Variants in DAPK1 observed in about 807,000 individuals in gnomAD.
DAPK1 encodes the protein death associated protein kinase 1, also known as death-associated protein kinase 1.
DAPK1 carries 56 observed loss-of-function variants against 144.9 expected under a neutral mutation model. The ratio of observed to expected loss-of-function variants is 0.39; its 90% CI spans 0.31 to 0.48. The LOEUF (loss-of-function observed/expected upper bound fraction) is 0.48, where lower values mean the gene tolerates loss of function less well. Ranked by LOEUF, DAPK1 falls within the 20% of genes least tolerant of loss-of-function variation. DAPK1 has a pLI of 0.95. For synonymous variants in DAPK1, 690 were observed against 749.0 expected, an observed-to-expected ratio of 0.92 and a Z score of 1.29; for missense variants, 1,454 against 1,875.4, an observed-to-expected ratio of 0.78 and a Z score of 4.15.
intron 2 of DAPK1, among the ~76,000 whole-genome samples, chr9:87,604,160 C>T (rs925723376): frequency 2.0e-5 from 3 of 152,030 alleles, no homozygotes; most frequent in African/African-American, 7.3e-5. Flanking sequence ...AGACAGTTGG[C>T]AGCGGCTTTG....
intron 19 of DAPK1, among the ~76,000 whole-genome samples, chr9:87,677,396 A>C (rs1202365519): frequency 1.3e-5 from 2 of 152,148 alleles, no homozygotes; most frequent in African/African-American, 2.4e-5. Context: ...GAGTCTCCTG[A>C]GAGTGGAAGG....
At chr9:87,518,205 G>A (rs1396193085) in intron 2 of DAPK1, among the ~76,000 whole-genome samples, 2 of 148,178 alleles carry the variant, frequency 1.3e-5, no homozygotes, top group Non-Finnish European at 3.0e-5. Flanking sequence ...TCCACCTCCC[G>A]GGTTCAAGCG....
At chr9:87,684,793 A>G (rs1348153167) in intron 20 of DAPK1, among the ~76,000 whole-genome samples, 1 of 152,246 alleles carries the variant, frequency 6.6e-6, no homozygotes, top group Non-Finnish European at 1.5e-5. Context: ...GGCAGTAGCT[A>G]ACAAAAATGA....
At chr9:87,641,908 T>C (rs368752543) in intron 9 of DAPK1, 61 bp from the exon 10 acceptor site, 45 of 1,368,936 alleles carry the variant, frequency 3.3e-5, no homozygotes, top group African/African-American at 1.3e-4. Flanking sequence ...CAAAAAATTG[T>C]CATATAACAC....
chr9:87,656,412 T>C (rs1402198916), intron 17 of DAPK1, among the ~76,000 whole-genome samples: 1 of 152,188 alleles, frequency 6.6e-6, no homozygotes, highest in Admixed American at 6.5e-5. Context: ...CTTCCTCAGC[T>C]TTCTTCCCTT....
intron 21 of DAPK1, among the ~76,000 whole-genome samples, chr9:87,694,462 CTGGCAAAATGCT>C (rs1289669181): frequency 6.6e-6 from 1 of 152,206 alleles, no homozygotes; most frequent in Non-Finnish European, 1.5e-5. Context: ...TCCCCAGCCT[CTGGCAAAATGCT>C]TGAGTCAGGG....
rs1185487950 is a variant in DAPK1, at chr9:87,700,169, G to A, written c.2803G>A (p.Ala935Thr). 1 of 1,607,500 alleles carries A rather than the reference G, an allele frequency of 6.2e-7. No individual in the cohort carries two copies. Among genetic ancestry groups the A allele is most frequent in the African/African-American group, 1.3e-5 (1 of 74,790 alleles). Residue 935 changes from alanine to threonine, a missense_variant, in exon 24 of 26, where the codon GCT becomes ACT. By Grantham distance (58) the Ala-to-Thr change is moderately conservative (BLOSUM62 0). This residue lies in a region of DAPK1 where 1,025 missense variants were observed against 1,237.9 expected (regional missense o/e 0.83). Transcript: ENST00000408954. The part of the protein sequence containing the change: ...SNKLFVLDAG[A>T]SGSKDMKVLR... ...TAAGCTGTTTGTTCTGGATGCTGGG[G>A]CTTCTGGGTCAAAGGACATGAAGGT...
intron 3 of DAPK1, among the ~76,000 whole-genome samples, chr9:87,619,222 C>T (rs1210125743): frequency 6.6e-6 from 1 of 152,192 alleles, no homozygotes; most frequent in African/African-American, 2.4e-5. Context: ...TTGTGTTTTC[C>T]TCACTTTTTA....
rs1564060128 is a variant in DAPK1, at chr9:87,668,505, T to C, written c.1924-92T>C. 3 of 835,074 alleles carry C rather than the reference T, an allele frequency of 3.6e-6. No individual in the cohort carries two copies. In the East Asian group the frequency reaches 7.3e-5, roughly 20 times the overall value. 51.7% of individuals were successfully genotyped at this position (835,074 alleles called of 1,614,324 possible). A position where few individuals can be genotyped will look rare whatever the true frequency, so the allele number is the denominator to read the frequency against. On this transcript the variant is annotated intron_variant, in intron 18 of 25. Transcript: ENST00000408954. ...GGCTTGCTTCTCACACCTGCTATGC[T>C]TGTTTCTGCCTCAGACCCACGGAAT...
intron 2 of DAPK1, among the ~76,000 whole-genome samples, chr9:87,518,544 C>T (rs959708290): frequency 1.3e-5 from 2 of 151,982 alleles, no homozygotes; most frequent in Non-Finnish European, 2.9e-5. Flanking sequence ...TTTAATGATG[C>T]TTGAAAATTG....
intron 2 of DAPK1, among the ~76,000 whole-genome samples, chr9:87,590,912 C>A (rs1828110250): frequency 6.6e-6 from 1 of 152,212 alleles, no homozygotes; most frequent in Non-Finnish European, 1.5e-5. Context: ...CTGTTGTATT[C>A]ATACAAGACC....
chr9:87,523,176 C>G (rs1471192695), intron 2 of DAPK1, among the ~76,000 whole-genome samples: 9 of 152,228 alleles, frequency 5.9e-5, no homozygotes, highest in African/African-American at 1.7e-4. Context: ...GCCATCACCA[C>G]TATCCATCTC....
chr9:87,615,053 T>A (rs78325208), intron 3 of DAPK1, among the ~76,000 whole-genome samples: 6,948 of 152,166 alleles, frequency 0.046, 527 homozygotes, highest in African/African-American at 0.16. Context: ...CTTTATTAGA[T>A]CAGTATCTGC....
At chr9:87,555,034 G>A (rs1315822765) in intron 2 of DAPK1, among the ~76,000 whole-genome samples, 1 of 152,200 alleles carries the variant, frequency 6.6e-6, no homozygotes, top group African/African-American at 2.4e-5. Context: ...AGGGACCTCT[G>A]AAGAGTCCTG....
At chr9:87,548,162 A>C (rs1413275428) in intron 2 of DAPK1, among the ~76,000 whole-genome samples, 1 of 152,238 alleles carries the variant, frequency 6.6e-6, no homozygotes, top group African/African-American at 2.4e-5. Flanking sequence ...CCAGCAAATC[A>C]GGATTCACTC....
At chr9:87,508,981 G>T (rs67657469) in intron 2 of DAPK1, among the ~76,000 whole-genome samples, 46,334 of 152,054 alleles carry the variant, frequency 0.3, 8,902 homozygotes, top group African/African-American at 0.52. Context: ...GAAGTTTTTC[G>T]AAATTGTTTT....
chr9:87,702,000 A>G, intron 24 of DAPK1: 2 of 366,610 alleles, frequency 5.5e-6, no homozygotes, highest in South Asian at 4.3e-5. Flanking sequence ...CTTCCCCACC[A>G]GGTCTGGATT....
Position 87,643,236 on chromosome 9 carries a change from GC to G in DAPK1, c.919-139del. The G allele has an allele frequency of 1.5e-5, 9 of 582,710 alleles. No individual in the cohort carries two copies. The South Asian group carries it at 2.0e-4, about 13-fold the overall frequency. 36.1% of individuals were successfully genotyped at this position (582,710 alleles called of 1,614,324 possible). On this transcript the variant is annotated intron_variant, in intron 10 of 25. Transcript: ENST00000408954. ...GATTGCCCACCCTGGGAGAGTGTGT[GC>G]TGATAGCAATGAACACGATCTCGCA...
At chr9:87,626,964 G>C (rs1829514397) in intron 3 of DAPK1, among the ~76,000 whole-genome samples, 1 of 152,152 alleles carries the variant, frequency 6.6e-6, no homozygotes, top group Admixed American at 6.5e-5. Context: ...GGGAGGGCCA[G>C]TACTGGGGAG....
Sources: allele counts gnomAD v4.1 joint callset (sites outside exome capture counted in the v4.1 genomes callset), GRCh38; gene constraint gnomAD v4.1.1; regional missense constraint gnomAD v4.1.1; transcripts MANE v1.5; gene names NCBI Gene and HGNC (gene_info 2026-07-23, HGNC 2026-07-21).